ZNF624: variants seen among roughly 807,000 people sequenced by gnomAD.
ZNF624 encodes zinc finger protein 624.
ZNF624 carries 43 observed loss-of-function variants against 74.7 expected under a neutral mutation model. That is an observed-to-expected ratio of 0.58 (90% CI 0.45 to 0.74). The LOEUF is 0.74. Among genes scored for constraint, ZNF624 ranks in the 30% least tolerant of loss-of-function variants. The probability of loss-of-function intolerance (pLI) is 0.00; values close to 1 mark genes in which losing one functional copy is unlikely to be tolerated. For missense variants in ZNF624, 820 were observed against 1,030.0 expected (o/e 0.80, Z 2.79); for synonymous variants, 331 against 341.3 (o/e 0.97, Z 0.33).
intron 3 of ZNF624, among the ~76,000 whole-genome samples, chr17:16,641,871 T>C (rs1909474719): frequency 6.6e-6 from 1 of 152,160 alleles, no homozygotes; most frequent in African/African-American, 2.4e-5. Flanking sequence ...TCAATAACTA[T>C]TTCAAAAGGA....
At chr17:16,647,907 C>A (rs1909631562) in intron 2 of ZNF624, among the ~76,000 whole-genome samples, 1 of 151,656 alleles carries the variant, frequency 6.6e-6, no homozygotes, top group African/African-American at 2.4e-5. Flanking sequence ...TCCATGAGGG[C>A]CTTATTTATT....
chr17:16,617,683 C>A, downstream of ZNF624: 1 of 1,604,728 alleles, frequency 6.2e-7, no homozygotes, highest in Non-Finnish European at 8.5e-7. Flanking sequence ...GCGTGCTCTA[C>A]GATCACGCGC....
intron 3 of ZNF624, among the ~76,000 whole-genome samples, chr17:16,644,401 A>C (rs1358773842): frequency 6.6e-6 from 1 of 152,222 alleles, no homozygotes; most frequent in Non-Finnish European, 1.5e-5. Flanking sequence ...TTATTGCAAA[A>C]AGTTCCTAGG....
chr17:16,640,990 C>A (rs544853790), intron 3 of ZNF624, among the ~76,000 whole-genome samples: 11 of 152,100 alleles, frequency 7.2e-5, no homozygotes, highest in Non-Finnish European at 1.2e-4. Flanking sequence ...TAAAATGCCA[C>A]ATATACTACA....
chr17:16,619,853 T>A (rs568451560), downstream of ZNF624, among the ~76,000 whole-genome samples: 1 of 152,214 alleles, frequency 6.6e-6, no homozygotes, highest in South Asian at 2.1e-4. Flanking sequence ...GGAGGCAGAA[T>A]GGAGGGACCA....
At chr17:16,635,051 A>ATAAT in intron 3 of ZNF624, among the ~76,000 whole-genome samples, 1 of 152,212 alleles carries the variant, frequency 6.6e-6, no homozygotes, top group Non-Finnish European at 1.5e-5. Flanking sequence ...CTGGAGTCAA[A>ATAAT]CAGCACGGTT....
In ZNF624 at chr17:16,621,988, GATAA is replaced by G. The variant is rs1908925426; in HGVS notation, c.*296_*299del. ...ACCTCCAGGTTTATAAGAAAAGACA[GATAA>G]ATGAATAGAAAAATAGGCAAATACA... On this transcript the variant is annotated 3_prime_UTR_variant, in exon 6 of 6. Coordinates refer to ENST00000311331, the MANE Select transcript of ZNF624 (RefSeq NM_020787.4). 1 of 189,484 alleles carries G rather than the reference GATAA, an allele frequency of 5.3e-6. No individual in the cohort carries two copies. The highest frequency in any genetic ancestry group is 1.1e-5 in the Non-Finnish European group (1 of 92,688). The allele number at this position is 189,484 out of a possible 1,614,324, so 11.7% of individuals were successfully genotyped here.
At chr17:16,649,165 T>C (rs1219897383) in intron 2 of ZNF624, among the ~76,000 whole-genome samples, 1 of 152,202 alleles carries the variant, frequency 6.6e-6, no homozygotes, top group African/African-American at 2.4e-5. Flanking sequence ...AGCACTGTCT[T>C]AAACATATTC....
At chr17:16,617,020 T>A, downstream of ZNF624, 1 of 1,608,480 alleles carries the variant, frequency 6.2e-7, no homozygotes, top group Non-Finnish European at 8.5e-7. Flanking sequence ...TGACTTTGTA[T>A]GACCCTTTCC....
At chr17:16,616,989 C>A, downstream of ZNF624, 1 of 1,604,274 alleles carries the variant, frequency 6.2e-7, no homozygotes, top group Non-Finnish European at 8.5e-7. Context: ...TGGAACGGGA[C>A]TGGCTCCTTG....
At chr17:16,628,669 T>G (rs533218661) in intron 5 of ZNF624, among the ~76,000 whole-genome samples, 45 of 151,780 alleles carry the variant, frequency 3.0e-4, no homozygotes, top group African/African-American at 1.1e-3. Flanking sequence ...GGTGAAAAGG[T>G]CTATCACAGA....
chr17:16,647,973 C>T (rs1009656225), intron 2 of ZNF624, among the ~76,000 whole-genome samples: 10 of 151,644 alleles, frequency 6.6e-5, no homozygotes, highest in African/African-American at 2.2e-4. Context: ...TACTCTGTCG[C>T]TGCCCAGGCT....
In ZNF624 at chr17:16,620,811, A is replaced by C. The variant is rs1908891169; in HGVS notation, c.*1477T>G. On this transcript the variant is annotated 3_prime_UTR_variant, in exon 6 of 6. Transcript: ENST00000311331. ...ATTAACTTAAAAACACAGAAAAGAA[A>C]GTAAAAAACAAAAAATTGATGAACC... 6.6e-6 allele frequency: 1 copy of C among 152,238 alleles called. No homozygotes were observed. The highest frequency in any genetic ancestry group is 2.4e-5 in the African/African-American group (1 of 41,464). 9.4% of individuals were successfully genotyped at this position (152,238 alleles called of 1,614,324 possible). A position where few individuals can be genotyped will look rare whatever the true frequency, so the allele number is the denominator to read the frequency against.
intron 3 of ZNF624, among the ~76,000 whole-genome samples, chr17:16,643,847 A>G (rs1484050628): frequency 6.6e-6 from 1 of 152,198 alleles, no homozygotes; most frequent in Non-Finnish European, 1.5e-5. Flanking sequence ...TTGAAACATA[A>G]AACTGCTGCG....
At chr17:16,617,165 C>G, downstream of ZNF624, 1 of 1,612,806 alleles carries the variant, frequency 6.2e-7, no homozygotes, top group Non-Finnish European at 8.5e-7. Flanking sequence ...GATTTCCTGC[C>G]TTTTGATCGA....
At chr17:16,631,219 T>C (rs1909199780) in intron 5 of ZNF624, 1 of 152,146 alleles carries the variant, frequency 6.6e-6, no homozygotes, top group South Asian at 2.1e-4. Context: ...TCAAAAATTA[T>C]GAAGATGCTA....
Position 16,624,117 on chromosome 17 carries a change from T to G in ZNF624, c.769A>C (p.Ile257Leu), listed in dbSNP as rs760935290. 6.2e-7 allele frequency: 1 copy of G among 1,614,110 alleles called. No homozygotes were observed. Among genetic ancestry groups the G allele is most frequent in the Admixed American group, 1.7e-5 (1 of 60,016 alleles). Reference sequence around the variant, plus strand: ...AAAGTTAGTTCTGAAGTCTGCCTTATGGCTTTGCTGCCTTTCATCTCCTTG... The same window carrying G: ...AAAGTTAGTTCTGAAGTCTGCCTTAGGGCTTTGCTGCCTTTCATCTCCTTG... ...ICKEMKGSKA[I>L]RQTSELTLGK... is the part of the protein sequence containing the mutation. Residue 257 changes from isoleucine to leucine, a missense_variant, in exon 6 of 6, where the codon ATA becomes CTA. Coordinates refer to ENST00000311331, the MANE Select transcript of ZNF624 (RefSeq NM_020787.4).
intron 3 of ZNF624, among the ~76,000 whole-genome samples, chr17:16,638,075 A>G (rs1909376834): frequency 1.3e-5 from 2 of 152,182 alleles, no homozygotes; most frequent in African/African-American, 4.8e-5. Flanking sequence ...ACACTTCTCA[A>G]AAGAAGACAT....
chr17:16,615,360 G>C, the ZNF624 span, among the ~76,000 whole-genome samples: 5 of 152,254 alleles, frequency 3.3e-5, no homozygotes, highest in South Asian at 1.0e-3. Flanking sequence ...GCCTCCCAAA[G>C]GGCTAGGATT....
Sources: gnomAD v4.1 joint callset for allele counts (sites outside exome capture counted in the v4.1 genomes callset) on GRCh38, gnomAD v4.1.1 for gene constraint, MANE v1.5 for transcripts, NCBI Gene and HGNC (gene_info 2026-07-23, HGNC 2026-07-21) for gene names.